The following MAFK variants were observed in gnomAD, a reference collection of about 807,000 sequenced individuals.
MAFK encodes MAF bZIP transcription factor K.
MAFK carries 1 observed loss-of-function variant against 9.2 expected under a neutral mutation model. The ratio of observed to expected loss-of-function variants is 0.11; its 90% CI spans 0.04 to 0.52. MAFK has a LOEUF of 0.52. Ranked by LOEUF, MAFK falls within the 20% of genes least tolerant of loss-of-function variation. The probability of loss-of-function intolerance (pLI) is 0.94; values close to 1 mark genes in which losing one functional copy is unlikely to be tolerated. For synonymous variants in MAFK, 110 were observed against 107.4 expected, an observed-to-expected ratio of 1.02 and a Z score of -0.15; for missense variants, 207 against 236.0, an observed-to-expected ratio of 0.88 and a Z score of 0.81.
rs533033322 is a variant in MAFK, at chr7:1,535,346, T to C, written c.-44-3803T>C. The stretch of plus-strand genomic sequence containing the variant: ...CAGGCCCATGGGTGACCAGTGAGTA[T>C]TTGCTGGGACTTAAAAAGTTAAAAA... On this transcript the variant is annotated intron_variant, in intron 1 of 2. Coordinates refer to ENST00000343242, the MANE Select transcript of MAFK (RefSeq NM_002360.4). 1.6e-3 allele frequency among the ~76,000 whole-genome samples: 245 copies of C among 152,272 alleles called. 1 individual carries two copies. Among genetic ancestry groups the C allele is most frequent in the Non-Finnish European group, 2.5e-3 (168 of 68,026 alleles).
chr7:1,534,138 G>T lies in MAFK; in HGVS notation c.-45+3240G>T, dbSNP rs759599441. 8.3e-5 allele frequency: 36 copies of T among 432,536 alleles called. No individual in the cohort carries two copies. The highest frequency in any genetic ancestry group is 2.4e-5 in the Non-Finnish European group (5 of 210,008). The allele number at this position is 432,536 out of a possible 1,614,324, so 26.8% of individuals were successfully genotyped here. On this transcript the variant is annotated intron_variant, in intron 1 of 2. Coordinates refer to ENST00000343242, the MANE Select transcript of MAFK (RefSeq NM_002360.4). The surrounding 1 kb of genome is among the most constrained non-coding windows in gnomAD (Gnocchi z 4.3). ...CAGGGCCAGGCTGCTGGCTGGTATGGGCCGGGCTGCGGGGTGCCAAGTGGG... is the reference window on the plus strand; with the variant it reads ...CAGGGCCAGGCTGCTGGCTGGTATGTGCCGGGCTGCGGGGTGCCAAGTGGG...
rs916947757 is a variant in MAFK at position 1,540,785 on chromosome 7, T to C, written c.*410T>C. 2.8e-5 allele frequency: 5 copies of C among 175,536 alleles called. No individual in the cohort carries two copies. Among genetic ancestry groups the C allele is most frequent in the African/African-American group, 4.8e-5 (2 of 42,006 alleles). The allele number at this position is 175,536 out of a possible 1,614,324, so 10.9% of individuals were successfully genotyped here. Reference sequence around the variant, plus strand: ...CATGGGGCTTGTTTTCCACTCCTGCTGTAAGCAGCCTTCGACACCTGTCCT... The same window carrying C: ...CATGGGGCTTGTTTTCCACTCCTGCCGTAAGCAGCCTTCGACACCTGTCCT... On this transcript the variant is annotated 3_prime_UTR_variant, in exon 3 of 3. Coordinates refer to ENST00000343242, the MANE Select transcript of MAFK (RefSeq NM_002360.4).
At chr7:1,537,366 C>T (rs775520767) in intron 1 of MAFK, 436 of 985,206 alleles carry the variant, frequency 4.4e-4, no homozygotes, top group Non-Finnish European at 4.8e-4. Context: ...TGGTGACTCA[C>T]CGCATAGCTA....
In MAFK at chr7:1,540,394, G is replaced by C. The variant is rs781671062; in HGVS notation, c.*19G>C. The stretch of plus-strand genomic sequence containing the variant: ...ATCCTAGTGCCGGCCGGGGGCGGGG[G>C]GTGGCGGGCGGCGGGCGGCGGGCAG... On this transcript the variant is annotated 3_prime_UTR_variant, in exon 3 of 3. Transcript: ENST00000343242. The C allele has an allele frequency of 1.4e-6, 2 of 1,469,214 alleles. No homozygotes were observed. Among genetic ancestry groups the C allele is most frequent in the Non-Finnish European group, 1.8e-6 (2 of 1,105,328 alleles). 91.0% of individuals were successfully genotyped at this position (1,469,214 alleles called of 1,614,324 possible). A position where few individuals can be genotyped will look rare whatever the true frequency, so the allele number is the denominator to read the frequency against.
rs1273184908 is a variant in MAFK, at chr7:1,532,057, GC to G, written c.-45+1165del. On this transcript the variant is annotated intron_variant, in intron 1 of 2. Coordinates refer to ENST00000343242, the MANE Select transcript of MAFK (RefSeq NM_002360.4). The surrounding 1 kb of genome is among the most constrained non-coding windows in gnomAD (Gnocchi z 4.5). ...CCTGAGACTCAAAACGCCCCCCACC[GC>G]CCCCCATCGTGGTCTAGGGGATATC... 6.6e-6 allele frequency among the ~76,000 whole-genome samples: 1 copy of G among 152,124 alleles called. No individual in the cohort carries two copies. Among genetic ancestry groups the G allele is most frequent in the Non-Finnish European group, 1.5e-5 (1 of 68,010 alleles).
At position 1,542,993 on chromosome 7, in the gene MAFK, C is replaced by G. The variant is rs1043837120; in HGVS notation, c.*2618C>G. On this transcript the variant is annotated 3_prime_UTR_variant, in exon 3 of 3. Coordinates refer to ENST00000343242, the MANE Select transcript of MAFK (RefSeq NM_002360.4). ...ACCTAATTTATTGCCGTGCGTCCTGCTGCTGTGACTGCTTTTGTACCTTTG... is the reference window on the plus strand; with the variant it reads ...ACCTAATTTATTGCCGTGCGTCCTGGTGCTGTGACTGCTTTTGTACCTTTG... The G allele has an allele frequency of 6.5e-6, 1 of 152,728 alleles. No homozygotes were observed. Among genetic ancestry groups the G allele is most frequent in the Non-Finnish European group, 1.5e-5 (1 of 68,100 alleles). 9.5% of individuals were successfully genotyped at this position (152,728 alleles called of 1,614,324 possible). A position where few individuals can be genotyped will look rare whatever the true frequency, so the allele number is the denominator to read the frequency against.
rs1783884795 is a variant in MAFK, at chr7:1,530,829, A to T, written c.-114A>T. On this transcript the variant is annotated 5_prime_UTR_variant, in exon 1 of 3. An upstream open reading frame in the 5' UTR loses its in-frame stop. Coordinates refer to ENST00000343242, the MANE Select transcript of MAFK (RefSeq NM_002360.4). ...GGCGGCCGAGGGGAGCGCGACAGTG[A>T]GCGCCGGCGCGAGGACAGCGCGTGC... The T allele has an allele frequency of 7.1e-6, 1 of 141,356 alleles. No homozygotes were observed. The highest frequency in any genetic ancestry group is 2.6e-5 in the African/African-American group (1 of 38,940). The allele number at this position is 141,356 out of a possible 1,614,324, so 8.8% of individuals were successfully genotyped here. A position where few individuals can be genotyped will look rare whatever the true frequency, so the allele number is the denominator to read the frequency against.
At chr7:1,538,846 G>A (rs1041754973) in intron 1 of MAFK, 29 of 306,560 alleles carry the variant, frequency 9.5e-5, no homozygotes, top group Admixed American at 3.4e-4. Context: ...GCAGCAGGGG[G>A]CCGCACCTGG....
At chr7:1,533,884 G>C (rs1783963404) in intron 1 of MAFK, among the ~76,000 whole-genome samples, 1 of 152,132 alleles carries the variant, frequency 6.6e-6, no homozygotes, top group Non-Finnish European at 1.5e-5. Context: ...GGGAGAACAG[G>C]ATGCTGATGG....
Position 1,534,981 on chromosome 7 carries a change from A to G in MAFK, c.-45+4083A>G, listed in dbSNP as rs937865804. On this transcript the variant is annotated intron_variant, in intron 1 of 2. Transcript: ENST00000343242. The surrounding 1 kb of genome is among the most constrained non-coding windows in gnomAD (Gnocchi z 4.3). ...GAGTGCAGTGGTGTGATCACAGCTC[A>G]CTGCAATCTCGACTTCGAGGCTCAA... 6.6e-6 allele frequency among the ~76,000 whole-genome samples: 1 copy of G among 151,044 alleles called. No individual in the cohort carries two copies. The highest frequency in any genetic ancestry group is 6.6e-5 in the Admixed American group (1 of 15,174).
At chr7:1,537,920 C>A in intron 1 of MAFK, 1 of 157,892 alleles carries the variant, frequency 6.3e-6, no homozygotes, top group Non-Finnish European at 1.4e-5. Flanking sequence ...CCGTGTGCTG[C>A]TCTGATGTTC....
At position 1,541,180 on chromosome 7, in the gene MAFK, A is replaced by G. The variant is rs1205206827; in HGVS notation, c.*805A>G. The G allele has an allele frequency of 6.5e-6, 1 of 152,756 alleles. No individual in the cohort carries two copies. Among genetic ancestry groups the G allele is most frequent in the African/African-American group, 2.4e-5 (1 of 41,414 alleles). 9.5% of individuals were successfully genotyped at this position (152,756 alleles called of 1,614,324 possible). A position where few individuals can be genotyped will look rare whatever the true frequency, so the allele number is the denominator to read the frequency against. The stretch of plus-strand genomic sequence containing the variant: ...AGGAGGTCGTGCAGCACAGCGCAGA[A>G]GCCCCTGCCCACGGGATCCGGCCCC... On this transcript the variant is annotated 3_prime_UTR_variant, in exon 3 of 3. Coordinates refer to ENST00000343242, the MANE Select transcript of MAFK (RefSeq NM_002360.4).
Position 1,540,224 on chromosome 7 carries a change from T to C in MAFK, c.320T>C (p.Leu107Pro). Residue 107 changes from leucine (L) to proline (P), a missense_variant, in exon 3 of 3, where the codon CTG becomes CCG. Physicochemically the swap from Leu to Pro is moderately conservative, Grantham distance 98. Transcript: ENST00000343242. ...AGCATGCGGCTGGAGCTGGACGCCCTGCGCTCCAAGTACGAGGCGCTGCAG... is the reference window on the plus strand; with the variant it reads ...AGCATGCGGCTGGAGCTGGACGCCCCGCGCTCCAAGTACGAGGCGCTGCAG... ...NSSMRLELDA[L>P]RSKYEALQTF... 1 of 1,602,012 alleles carries C rather than the reference T, an allele frequency of 6.2e-7. No individual in the cohort carries two copies. Among genetic ancestry groups the C allele is most frequent in the Non-Finnish European group, 8.5e-7 (1 of 1,175,388 alleles).
chr7:1,538,386 G>A (rs1784089734), intron 1 of MAFK: 2 of 985,242 alleles, frequency 2.0e-6, no homozygotes, highest in Non-Finnish European at 2.4e-6. Flanking sequence ...ACCCCCTTGG[G>A]CCGCAGGGTC....
intron 1 of MAFK, chr7:1,538,878 T>G (rs934730551): frequency 6.0e-6 from 2 of 332,090 alleles, no homozygotes; most frequent in Non-Finnish European, 1.1e-5. Flanking sequence ...TGGGGTGGGG[T>G]CCCAGCCGCT....
chr7:1,540,716 G>T lies in MAFK; in HGVS notation c.*341G>T. The T allele has an allele frequency of 3.4e-6, 1 of 290,878 alleles. No homozygotes were observed. The allele number at this position is 290,878 out of a possible 1,614,324, so 18.0% of individuals were successfully genotyped here. Reference sequence around the variant, plus strand: ...TTCCGCGTCCTCTGTGGGGGCTGCCGGAAGACACGGCCCCAGGAGTCAGGC... The same window carrying T: ...TTCCGCGTCCTCTGTGGGGGCTGCCTGAAGACACGGCCCCAGGAGTCAGGC... On this transcript the variant is annotated 3_prime_UTR_variant, in exon 3 of 3. Transcript: ENST00000343242.
intron 1 of MAFK, among the ~76,000 whole-genome samples, chr7:1,536,657 C>T (rs940649009): frequency 6.6e-6 from 1 of 152,236 alleles, no homozygotes; most frequent in African/African-American, 2.4e-5. Context: ...CTCTGAATGT[C>T]CTTCCAAAAG....
In MAFK at chr7:1,540,790, G is replaced by A. The variant is rs935314452; in HGVS notation, c.*415G>A. On this transcript the variant is annotated 3_prime_UTR_variant, in exon 3 of 3. Transcript: ENST00000343242. ...GGCTTGTTTTCCACTCCTGCTGTAA[G>A]CAGCCTTCGACACCTGTCCTGCCAC... The A allele has an allele frequency of 6.7e-5, 12 of 180,022 alleles. No individual in the cohort carries two copies. The highest frequency in any genetic ancestry group is 1.3e-4 in the Non-Finnish European group (11 of 87,026). The allele number at this position is 180,022 out of a possible 1,614,324, so 11.2% of individuals were successfully genotyped here.
rs758277292 is a variant in MAFK at position 1,534,172 on chromosome 7, C to T, written c.-45+3274C>T. The T allele has an allele frequency of 4.4e-6, 2 of 449,668 alleles. No individual in the cohort carries two copies. Among genetic ancestry groups the T allele is most frequent in the East Asian group, 7.1e-5 (1 of 14,154 alleles). 27.9% of individuals were successfully genotyped at this position (449,668 alleles called of 1,614,324 possible). On this transcript the variant is annotated intron_variant, in intron 1 of 2. Coordinates refer to ENST00000343242, the MANE Select transcript of MAFK (RefSeq NM_002360.4). The surrounding 1 kb of genome is among the most constrained non-coding windows in gnomAD (Gnocchi z 4.3). ...GCGGGGTGCCAAGTGGGGTGCCTCC[C>T]GCATGCTTAGTGGGGCTGTGTCCGG...
Sources: allele counts gnomAD v4.1 joint callset (sites outside exome capture counted in the v4.1 genomes callset), GRCh38; gene constraint gnomAD v4.1.1; non-coding constraint Gnocchi (gnomAD v3.1); transcripts MANE v1.5; gene names NCBI Gene and HGNC (gene_info 2026-07-23, HGNC 2026-07-21).